The following TBL1XR1 variants were observed in gnomAD, a reference collection of about 807,000 sequenced individuals.
The protein encoded by TBL1XR1 is TBL1X/Y related 1, also known as F-box-like/WD repeat-containing protein TBL1XR1.
TBL1XR1 carries 5 observed loss-of-function variants against 66.9 expected under a neutral mutation model. The observed-to-expected ratio is 0.07, with a 90% CI of 0.04 to 0.16. TBL1XR1 has a LOEUF of 0.16. Ranked by LOEUF, TBL1XR1 falls within the 10% of genes least tolerant of loss-of-function variation. The pLI is 1.00. For synonymous variants in TBL1XR1, 210 were observed against 206.0 expected (o/e 1.02, Z -0.17); for missense variants, 238 against 623.2 (o/e 0.38, Z 6.58).
intron 1 of TBL1XR1, among the ~76,000 whole-genome samples, chr3:177,126,898 CG>C (rs1245629175): frequency 6.6e-6 from 1 of 151,078 alleles, no homozygotes; most frequent in African/African-American, 2.4e-5. Flanking sequence ...ACATAATGTA[CG>C]GTTGTAATAT....
At chr3:177,178,108 C>T (rs1485616238) in intron 1 of TBL1XR1, among the ~76,000 whole-genome samples, 1 of 152,154 alleles carries the variant, frequency 6.6e-6, no homozygotes, top group African/African-American at 2.4e-5. Flanking sequence ...CAGGAATAAG[C>T]TTGTTCAGTG....
At chr3:177,143,425 T>C (rs1302158194) in intron 1 of TBL1XR1, among the ~76,000 whole-genome samples, 1 of 152,202 alleles carries the variant, frequency 6.6e-6, no homozygotes, top group East Asian at 1.9e-4. Flanking sequence ...GATATTAATT[T>C]ATGTCAACCA....
intron 7 of TBL1XR1, among the ~76,000 whole-genome samples, chr3:177,049,142 C>T (rs752007151): frequency 6.6e-6 from 1 of 152,122 alleles, no homozygotes; most frequent in Non-Finnish European, 1.5e-5. Context: ...AAACTGAGAA[C>T]TTTAGTGGGG....
chr3:177,128,405 T>C (rs1019804621), intron 1 of TBL1XR1, among the ~76,000 whole-genome samples: 74 of 152,114 alleles, frequency 4.9e-4, no homozygotes, highest in African/African-American at 1.7e-3. Context: ...ACAGGGTCTT[T>C]CTCTGTCATC....
At chr3:177,197,985 G>A (rs1559982761), upstream of TBL1XR1, among the ~76,000 whole-genome samples, 1 of 151,356 alleles carries the variant, frequency 6.6e-6, no homozygotes, top group East Asian at 2.0e-4. Flanking sequence ...GGACGCCGCG[G>A]GCTCCCGCGT....
At chr3:177,028,139 T>C (rs867953998) in intron 14 of TBL1XR1, among the ~76,000 whole-genome samples, 23 of 152,194 alleles carry the variant, frequency 1.5e-4, no homozygotes, top group African/African-American at 5.3e-4. Context: ...CAAATTTGTA[T>C]GTATGCTGGC....
At chr3:177,168,658 A>G (rs569179018) in intron 1 of TBL1XR1, among the ~76,000 whole-genome samples, 3 of 152,340 alleles carry the variant, frequency 2.0e-5, no homozygotes, top group Non-Finnish European at 4.4e-5. Context: ...TGTTCATGAA[A>G]GGATGTGAAC....
chr3:177,153,245 C>T (rs1560234963), intron 1 of TBL1XR1, among the ~76,000 whole-genome samples: 1 of 152,084 alleles, frequency 6.6e-6, no homozygotes, highest in Non-Finnish European at 1.5e-5. Context: ...CTCTACCAAA[C>T]TAAAAGTAGA....
chr3:177,194,640 G>A (rs191460334), intron 1 of TBL1XR1, among the ~76,000 whole-genome samples: 190 of 152,204 alleles, frequency 1.2e-3, no homozygotes, highest in Non-Finnish European at 2.1e-3. Flanking sequence ...ACAAGTTGAT[G>A]TTCAAAAGGT....
chr3:177,051,842 G>GCCGAGCTGATAAAAAGGCTTATT, intron 4 of TBL1XR1, 116 bp from the exon 5 acceptor site: 1 of 1,281,166 alleles, frequency 7.8e-7, no homozygotes, highest in Non-Finnish European at 1.0e-6. Flanking sequence ...ACATTTTTAG[G>GCCGAGCTGATAAAAAGGCTTATT]AACTTTCTGA....
chr3:177,046,034 T>C, intron 10 of TBL1XR1, 95 bp downstream of exon 10: 2 of 961,466 alleles, frequency 2.1e-6, no homozygotes, highest in Non-Finnish European at 1.5e-6. Context: ...TGATACTTGA[T>C]ATTTCAACAT....
intron 1 of TBL1XR1, among the ~76,000 whole-genome samples, chr3:177,158,169 A>AACAAAC (rs561422436): frequency 8.4e-4 from 127 of 151,880 alleles, no homozygotes; most frequent in African/African-American, 2.9e-3. Flanking sequence ...GTAAAACAAA[A>AACAAAC]ACAAAAACAA....
chr3:177,126,247 C>T (rs1577242923), intron 1 of TBL1XR1: 1 of 152,182 alleles, frequency 6.6e-6, no homozygotes, highest in South Asian at 2.1e-4. Context: ...TGGGATTCAG[C>T]CAAGAATCTG....
Position 177,094,068 on chromosome 3 carries a change from T to A in TBL1XR1, c.-46+4398A>T, listed in dbSNP as rs552725936. 2.6e-5 allele frequency among the ~76,000 whole-genome samples: 4 copies of A among 152,210 alleles called. No homozygotes were observed. In the East Asian group the frequency reaches 7.7e-4, roughly 29 times the overall value. On this transcript the variant is annotated intron_variant, in intron 2 of 15. Coordinates refer to ENST00000457928, the MANE Select transcript of TBL1XR1 (RefSeq NM_024665.7). ...CCACAGAGTGAGAGAAAATCTCCACTATCTATACATCCAACAAAGGACTAA... is the reference window on the plus strand; with the variant it reads ...CCACAGAGTGAGAGAAAATCTCCACAATCTATACATCCAACAAAGGACTAA...
At chr3:177,037,917 A>G (rs529358178) in intron 12 of TBL1XR1, 181 bp downstream of exon 12, 1 of 567,882 alleles carries the variant, frequency 1.8e-6, no homozygotes, top group South Asian at 2.7e-5. Context: ...AAATAGTTTT[A>G]TGTATTTCAG....
chr3:177,134,975 G>GTGTGTGTGTC (rs1444156762), intron 1 of TBL1XR1, among the ~76,000 whole-genome samples: 2 of 150,302 alleles, frequency 1.3e-5, no homozygotes, highest in Non-Finnish European at 3.0e-5. Context: ...GTCTGTGTGT[G>GTGTGTGTGTC]TGTCTGTGTG....
intron 1 of TBL1XR1, among the ~76,000 whole-genome samples, chr3:177,149,059 A>G: frequency 6.6e-6 from 1 of 152,112 alleles, no homozygotes. Flanking sequence ...GCTTTGCTTT[A>G]GAAGTAAGCA....
chr3:177,086,603 T>C (rs1036231216), intron 2 of TBL1XR1, among the ~76,000 whole-genome samples: 6 of 152,124 alleles, frequency 3.9e-5, no homozygotes, highest in African/African-American at 1.4e-4. Flanking sequence ...CTACTATAAT[T>C]AGAGCCCACA....
intron 4 of TBL1XR1, 22 bp downstream of exon 4, chr3:177,053,751 A>G (rs1717424801): frequency 6.2e-7 from 1 of 1,603,288 alleles, no homozygotes; most frequent in African/African-American, 1.3e-5. Context: ...AAAAATCAGT[A>G]TTTGAAATAA....
Sources: gnomAD v4.1 joint callset for allele counts (sites outside exome capture counted in the v4.1 genomes callset) on GRCh38, gnomAD v4.1.1 for gene constraint, MANE v1.5 for transcripts, NCBI Gene and HGNC (gene_info 2026-07-23, HGNC 2026-07-21) for gene names.